ZMYM6: variants seen among roughly 807,000 people sequenced by gnomAD.
ZMYM6 encodes zinc finger MYM-type protein 6.
In ZMYM6, 90 loss-of-function variants were observed where a neutral mutation model predicts 134.0. The observed-to-expected ratio is 0.67, with a 90% CI of 0.57 to 0.80. The LOEUF is 0.80. Among genes scored for constraint, ZMYM6 ranks in the 30% least tolerant of loss-of-function variants. The probability of loss-of-function intolerance (pLI) is 0.00; values close to 1 mark genes in which losing one functional copy is unlikely to be tolerated. For missense variants in ZMYM6, 1,362 were observed against 1,533.9 expected, an observed-to-expected ratio of 0.89 and a Z score of 1.87; for synonymous variants, 481 against 524.1, an observed-to-expected ratio of 0.92 and a Z score of 1.12.
Position 35,005,208 on chromosome 1 carries a change from T to G in ZMYM6, c.1878A>C (p.Pro626=), listed in dbSNP as rs1475061234. Residue 626 remains proline (P), a synonymous_variant, in exon 13 of 16, where the codon CCA becomes CCC. Coordinates refer to ENST00000357182, the MANE Select transcript of ZMYM6 (RefSeq NM_007167.4). ...CCAATGACATCACACTGGTTATAAC[T>G]GGTGTTGTATCTGTCCTTGCAGAAG... ...ELPSARTDTT[P]VITSVMSLAK... is the part of the protein sequence containing the mutation. The G allele has an allele frequency of 6.2e-7, 1 of 1,614,104 alleles. No individual in the cohort carries two copies. Among genetic ancestry groups the G allele is most frequent in the Admixed American group, 1.7e-5 (1 of 60,016 alleles).
Position 35,014,795 on chromosome 1 carries a change from T to C in ZMYM6, c.697A>G (p.Asn233Asp). The C allele has an allele frequency of 6.2e-7, 1 of 1,614,224 alleles. No individual in the cohort carries two copies. Among genetic ancestry groups the C allele is most frequent in the Non-Finnish European group, 8.5e-7 (1 of 1,180,042 alleles). ...TAGCTCCCACAGTTCTCACAACAGT[T>C]CATGGTGAGGTTGTTTGTAGAGTGA... The part of the protein sequence containing the change: ...KFHSTNNLTM[N>D]CCENCGSYCY... Residue 233 changes from asparagine to aspartate, a missense_variant, in exon 6 of 16, where the codon AAC becomes GAC. This residue lies in a region of ZMYM6 where 503 missense variants were observed against 520.8 expected (regional missense o/e 0.97). Coordinates refer to ENST00000357182, the MANE Select transcript of ZMYM6 (RefSeq NM_007167.4).
intron 2 of ZMYM6, among the ~76,000 whole-genome samples, chr1:35,023,897 T>C (rs1331672525): frequency 2.0e-5 from 3 of 152,106 alleles, no homozygotes; most frequent in Admixed American, 6.6e-5. Flanking sequence ...GCTGGGATTA[T>C]AGGCATGAGC....
chr1:35,023,938 T>C (rs965154083), intron 2 of ZMYM6, among the ~76,000 whole-genome samples: 2 of 152,154 alleles, frequency 1.3e-5, no homozygotes, highest in Admixed American at 6.6e-5. Flanking sequence ...AATAAAAATT[T>C]CTTTGCCTTA....
At chr1:35,020,537 C>CA (rs200339251) in intron 2 of ZMYM6, 70 bp from the exon 3 acceptor site, 339 of 929,860 alleles carry the variant, frequency 3.6e-4, no homozygotes, top group Middle Eastern at 1.0e-3. Flanking sequence ...GAAATTCAAG[C>CA]AAAAAAAAAT....
intron 4 of ZMYM6, among the ~76,000 whole-genome samples, chr1:35,016,512 A>G (rs1037457284): frequency 6.6e-6 from 1 of 152,212 alleles, no homozygotes; most frequent in Non-Finnish European, 1.5e-5. Context: ...AAGTATTGCC[A>G]TTCTTCTGAC....
chr1:35,025,809 T>C (rs1013829296), intron 2 of ZMYM6, among the ~76,000 whole-genome samples: 2 of 152,210 alleles, frequency 1.3e-5, no homozygotes, highest in Admixed American at 6.5e-5. Context: ...TTATTAATTA[T>C]GTGACTTTTA....
chr1:34,990,967 C>T (rs1444568507), intron 15 of ZMYM6, among the ~76,000 whole-genome samples: 4 of 152,190 alleles, frequency 2.6e-5, no homozygotes, highest in African/African-American at 9.7e-5. Context: ...CAGGTTCAAG[C>T]GATTCTCCTT....
chr1:35,004,997 G>A (rs1434352024), intron 13 of ZMYM6, 135 bp downstream of exon 13: 6 of 958,182 alleles, frequency 6.3e-6, no homozygotes, highest in South Asian at 3.6e-5. Context: ...GGCGGTGGTT[G>A]CAGTGAGTTG....
rs745808616 is a variant in ZMYM6 at position 35,030,591 on chromosome 1, G to A, written c.49C>T (p.Gln17Ter). The change falls in exon 2 of 16, where the codon CAG becomes TAG. Residue 17 changes from glutamine (Q) to a stop codon, truncating the protein, a stop_gained. Transcript: ENST00000357182. LOFTEE classifies it high-confidence loss of function. ...TCTTTAATTTTGTCCAGAAGCTCCT[G>A]CTGTGGTACCACTGCTTTGCCACAT... is the stretch of plus-strand genomic sequence containing the variant. ...GECGKAVVPQ[Q>*]ELLDKIKEEP... 1.2e-6 allele frequency: 2 copies of A among 1,613,656 alleles called. No homozygotes were observed. Among genetic ancestry groups the A allele is most frequent in the South Asian group, 1.1e-5 (1 of 91,036 alleles).
In ZMYM6 at chr1:34,987,826, G is replaced by C; in HGVS notation, c.3256C>G (p.Arg1086Gly). ...GRMLKRLFEL[R>G]HEIEIFLSQK... ...CTTAAAAATATTTCAATCTCATGTC[G>C]TAATTCAAATAATCTTTTTAACATT... The change falls in exon 16 of 16, where the codon CGA becomes GGA. Residue 1086 changes from arginine (R) to glycine (G), a missense_variant. Physicochemically the swap from Arg to Gly is moderately radical, Grantham distance 125 (BLOSUM62 -2). Around this residue, in one of 3 missense-constraint regions of ZMYM6, gnomAD observed 824 missense variants for 940.9 expected, o/e 0.88. Coordinates refer to ENST00000357182, the MANE Select transcript of ZMYM6 (RefSeq NM_007167.4). 1 of 1,550,658 alleles carries C rather than the reference G, an allele frequency of 6.4e-7. No homozygotes were observed. Among genetic ancestry groups the C allele is most frequent in the Non-Finnish European group, 8.7e-7 (1 of 1,146,704 alleles).
chr1:35,010,391 AGTC>A, intron 10 of ZMYM6, 53 bp downstream of exon 10: 1 of 1,556,254 alleles, frequency 6.4e-7, no homozygotes, highest in Non-Finnish European at 8.7e-7. Context: ...TAATTGCCCA[AGTC>A]GTCATGAATT....
In ZMYM6 at chr1:35,010,909, G is replaced by T. The variant is rs1379104156; in HGVS notation, c.1190C>A (p.Ser397Tyr). 4 of 1,613,404 alleles carry T rather than the reference G, an allele frequency of 2.5e-6. No individual in the cohort carries two copies. The highest frequency in any genetic ancestry group is 8.5e-7 in the Non-Finnish European group (1 of 1,179,768). Reference sequence around the variant, plus strand: ...AGCAGAGCCACGGATGGAGCTGGGGGAAACGGCAGAGGTGTTACCTCCTCC... The same window carrying T: ...AGCAGAGCCACGGATGGAGCTGGGGTAAACGGCAGAGGTGTTACCTCCTCC... Reference protein sequence around the residue: ...SIGGGNTSAVSPSSIRGSAAA... With the variant: ...SIGGGNTSAVYPSSIRGSAAA... Residue 397 changes from serine (S) to tyrosine (Y), a missense_variant, in exon 9 of 16, where the codon TCC becomes TAC. Ser to Tyr is a moderately radical substitution (Grantham distance 144, BLOSUM62 -2). Coordinates refer to ENST00000357182, the MANE Select transcript of ZMYM6 (RefSeq NM_007167.4).
chr1:35,010,870 T>C lies in ZMYM6; in HGVS notation c.1229A>G (p.Gln410Arg), dbSNP rs1641072474. 1 of 1,613,934 alleles carries C rather than the reference T, an allele frequency of 6.2e-7. No homozygotes were observed. The highest frequency in any genetic ancestry group is 8.5e-7 in the Non-Finnish European group (1 of 1,179,970). The change falls in exon 9 of 16, where the codon CAA (glutamine) becomes CGA (arginine). Residue 410 changes from glutamine to arginine, a missense_variant. Gln to Arg is a conservative substitution (Grantham distance 43). This residue lies in a region of ZMYM6 where 503 missense variants were observed against 520.8 expected (regional missense o/e 0.97). Transcript: ENST00000357182. ...SIRGSAAASL[Q>R]PLAEQSQQVA... Reference sequence around the variant, plus strand: ...TTGCTGGGATTGTTCAGCAAGAGGTTGGAGGCTGGCTGCAGCAGAGCCACG... The same window carrying C: ...TTGCTGGGATTGTTCAGCAAGAGGTCGGAGGCTGGCTGCAGCAGAGCCACG...
chr1:35,006,227 C>T (rs1640963762), intron 12 of ZMYM6, among the ~76,000 whole-genome samples: 2 of 152,176 alleles, frequency 1.3e-5, no homozygotes, highest in African/African-American at 4.8e-5. Context: ...AGTCTGGTCT[C>T]GAACTCCTGG....
chr1:34,986,954 A>T lies in ZMYM6; in HGVS notation c.*150T>A, dbSNP rs1184489120. On this transcript the variant is annotated 3_prime_UTR_variant, in exon 16 of 16. Coordinates refer to ENST00000357182, the MANE Select transcript of ZMYM6 (RefSeq NM_007167.4). ...ATACATAATTATTTATAACAATCAT[A>T]ATTATTAAATTCCTCAACAAAAAGG... 2 of 465,528 alleles carry T rather than the reference A, an allele frequency of 4.3e-6. No homozygotes were observed. Among genetic ancestry groups the T allele is most frequent in the South Asian group, 1.5e-4 (2 of 13,038 alleles). 28.8% of individuals were successfully genotyped at this position (465,528 alleles called of 1,614,324 possible). A position where few individuals can be genotyped will look rare whatever the true frequency, so the allele number is the denominator to read the frequency against.
At chr1:35,007,312 G>C (rs188163933) in intron 11 of ZMYM6, among the ~76,000 whole-genome samples, 2 of 152,228 alleles carry the variant, frequency 1.3e-5, no homozygotes, top group African/African-American at 2.4e-5. Context: ...GGCCAGGCAC[G>C]GTAATTGTGG....
chr1:35,031,037 G>A (rs1474575305), intron 1 of ZMYM6, among the ~76,000 whole-genome samples: 1 of 152,148 alleles, frequency 6.6e-6, no homozygotes, highest in Non-Finnish European at 1.5e-5. Context: ...GAGAAGAACG[G>A]ACTCAAGAAA....
intron 2 of ZMYM6, among the ~76,000 whole-genome samples, chr1:35,028,317 C>CAAA (rs200029753): frequency 9.3e-6 from 1 of 107,026 alleles, no homozygotes; most frequent in Non-Finnish European, 2.0e-5. Context: ...GACTCCATCT[C>CAAA]AAAAAAAAAA....
chr1:34,988,405 C>G lies in ZMYM6; in HGVS notation c.2677G>C (p.Asp893His). 1 of 1,551,620 alleles carries G rather than the reference C, an allele frequency of 6.4e-7. No homozygotes were observed. Among genetic ancestry groups the G allele is most frequent in the Admixed American group, 2.0e-5 (1 of 50,996 alleles). Residue 893 changes from aspartate (D) to histidine (H), a missense_variant, in exon 16 of 16, where the codon GAC (aspartate) becomes CAC (histidine). This residue lies in a region of ZMYM6 where 824 missense variants were observed against 940.9 expected (regional missense o/e 0.88). Transcript: ENST00000357182. ...TTTTGAATCAGCTGGTCTTCAATGT[C>G]TGCAGATAGTTCATCAATCCTGTGT... ...IQHRIDELSA[D>H]IEDQLIQKVR... is the part of the protein sequence containing the mutation.
Sources: allele counts gnomAD v4.1 joint callset (sites outside exome capture counted in the v4.1 genomes callset), GRCh38; gene constraint gnomAD v4.1.1; regional missense constraint gnomAD v4.1.1; transcripts MANE v1.5; gene names NCBI Gene and HGNC (gene_info 2026-07-23, HGNC 2026-07-21).